ARID4B: variants seen among roughly 807,000 people sequenced by gnomAD.
ARID4B encodes the protein AT-rich interactive domain-containing protein 4B.
Under a neutral mutation model 147.5 loss-of-function variants are expected in ARID4B, and 26 were observed. That is an observed-to-expected ratio of 0.18 (90% confidence interval 0.13 to 0.24). ARID4B has a LOEUF of 0.24. Ranked by LOEUF, ARID4B falls within the 10% of genes least tolerant of loss-of-function variation. ARID4B has a pLI of 1.00. For synonymous variants in ARID4B, 512 were observed against 507.9 expected, an observed-to-expected ratio of 1.01 and a Z score of -0.11; for missense variants, 1,179 against 1,511.5, an observed-to-expected ratio of 0.78 and a Z score of 3.65.
chr1:235,190,680 A>C (rs1175632529), intron 19 of ARID4B, among the ~76,000 whole-genome samples: 1 of 152,236 alleles, frequency 6.6e-6, no homozygotes, highest in East Asian at 1.9e-4. Flanking sequence ...CAGATATTTA[A>C]ATGCAGCCAA....
chr1:235,313,757 G>C (rs1674244769), intron 2 of ARID4B, among the ~76,000 whole-genome samples: 2 of 152,146 alleles, frequency 1.3e-5, no homozygotes, highest in South Asian at 4.1e-4. Context: ...TTTACTAAGA[G>C]AAGCTTCTGC....
intron 2 of ARID4B, among the ~76,000 whole-genome samples, chr1:235,290,250 C>CT (rs1343365325): frequency 2.0e-5 from 3 of 152,056 alleles, no homozygotes; most frequent in Non-Finnish European, 2.9e-5. Flanking sequence ...TCAAGACCAA[C>CT]TTGGCCAACA....
intron 17 of ARID4B, among the ~76,000 whole-genome samples, chr1:235,201,923 C>T (rs1009726706): frequency 5.3e-5 from 8 of 151,590 alleles, no homozygotes; most frequent in African/African-American, 1.7e-4. Flanking sequence ...AATAAATTGT[C>T]TTGCAATTTT....
chr1:235,222,721 A>C (rs1464057969), intron 13 of ARID4B, among the ~76,000 whole-genome samples: 1 of 146,266 alleles, frequency 6.8e-6, no homozygotes, highest in East Asian at 2.0e-4. Flanking sequence ...TCTGTCACGC[A>C]GGCTGGAATG....
chr1:235,277,809 G>C (rs1671436314), intron 2 of ARID4B, among the ~76,000 whole-genome samples: 1 of 151,860 alleles, frequency 6.6e-6, no homozygotes, highest in Non-Finnish European at 1.5e-5. Flanking sequence ...ATTCACTTAG[G>C]ACCATAAGAA....
At chr1:235,169,462 C>T (rs1325994916) in intron 23 of ARID4B, among the ~76,000 whole-genome samples, 3 of 151,800 alleles carry the variant, frequency 2.0e-5, no homozygotes, top group Non-Finnish European at 4.4e-5. Flanking sequence ...AGGATGGTCT[C>T]GATCTCCTGA....
At chr1:235,291,683 A>AAAAAATACAAAAAATACT (rs1553312801) in intron 2 of ARID4B, among the ~76,000 whole-genome samples, 3 of 152,120 alleles carry the variant, frequency 2.0e-5, no homozygotes, top group African/African-American at 7.2e-5. Flanking sequence ...TAAAAAATAC[A>AAAAAATACAAAAAATACT]AAAAATACTA....
intron 2 of ARID4B, among the ~76,000 whole-genome samples, chr1:235,304,197 A>C (rs1673387330): frequency 6.6e-6 from 1 of 151,984 alleles, no homozygotes; most frequent in Non-Finnish European, 1.5e-5. Flanking sequence ...CTCTACAAAA[A>C]ACTTGCCAGG....
At chr1:235,317,121 T>A (rs573511222) in intron 2 of ARID4B, among the ~76,000 whole-genome samples, 13 of 152,302 alleles carry the variant, frequency 8.5e-5, no homozygotes, top group East Asian at 3.8e-4. Flanking sequence ...ATAATAAAAA[T>A]TTTTTTCTGA....
At chr1:235,200,074 T>G (rs1240848599) in intron 17 of ARID4B, among the ~76,000 whole-genome samples, 3 of 150,408 alleles carry the variant, frequency 2.0e-5, no homozygotes, top group African/African-American at 7.3e-5. Context: ...ATCCCAGAAC[T>G]ATGGGAGGCC....
chr1:235,311,318 C>T (rs1674033007), intron 2 of ARID4B, among the ~76,000 whole-genome samples: 1 of 150,664 alleles, frequency 6.6e-6, no homozygotes, highest in African/African-American at 2.4e-5. Context: ...GTACTGTGCA[C>T]TCCAGCCTGG....
chr1:235,225,244 T>G (rs75448666), intron 11 of ARID4B, among the ~76,000 whole-genome samples: 79 of 152,336 alleles, frequency 5.2e-4, no homozygotes, highest in African/African-American at 1.8e-3. Flanking sequence ...GCAAGTATCC[T>G]TCATTTTATG....
rs774919089 is a variant in ARID4B, at chr1:235,194,090, T to G, written c.2048A>C (p.Asp683Ala). The change falls in exon 19 of 24, where the codon GAT becomes GCT. Residue 683 changes from aspartate to alanine, a missense_variant. Physicochemically the swap from Asp to Ala is moderately radical, Grantham distance 126 (BLOSUM62 -2). Transcript: ENST00000264183. ...NPSPEMVSKL[D>A]LTDAKNSDTA... ...ATCAGAGTTTTTGGCATCAGTGAGA[T>G]CCAGTTTGGATACCATTTCAGGAGA... 5 of 1,613,298 alleles carry G rather than the reference T, an allele frequency of 3.1e-6. No homozygotes were observed. In the South Asian group the frequency reaches 5.5e-5, roughly 18 times the overall value.
rs1379302042 is a variant in ARID4B at position 235,169,341 on chromosome 1, C to T, written c.3812-689G>A. Among the ~76,000 whole-genome samples the T allele has an allele frequency of 3.3e-5, 5 of 151,282 alleles. No homozygotes were observed. In the South Asian group the frequency reaches 6.3e-4, roughly 19 times the overall value. On this transcript the variant is annotated intron_variant, in intron 23 of 23. Transcript: ENST00000264183. ...CTAAAAGTTCTGCCTCCTGAGTTCA[C>T]GCCATTCTCCTGCCTCAGCCCCCCC... is the stretch of plus-strand genomic sequence containing the variant.
At chr1:235,214,404 C>T (rs1366021015) in intron 16 of ARID4B, among the ~76,000 whole-genome samples, 3 of 152,050 alleles carry the variant, frequency 2.0e-5, no homozygotes, top group African/African-American at 4.8e-5. Context: ...TACTTCATTG[C>T]CATTTTACAA....
chr1:235,325,087 G>A (rs1675126577), intron 2 of ARID4B, among the ~76,000 whole-genome samples: 1 of 152,076 alleles, frequency 6.6e-6, no homozygotes, highest in African/African-American at 2.4e-5. Context: ...TAAGAAATAA[G>A]CTAAGTTTTT....
At position 235,216,902 on chromosome 1, in the gene ARID4B, C is replaced by T. The variant is rs183128840; in HGVS notation, c.1584-2876G>A. ...GCCACAATAAAAGAGATTTATCATG[C>T]ACCTCAGAATCATCATATAAAAATG... is the stretch of plus-strand genomic sequence containing the variant. On this transcript the variant is annotated intron_variant, in intron 16 of 23. Coordinates refer to ENST00000264183, the MANE Select transcript of ARID4B (RefSeq NM_016374.6). 1.3e-4 allele frequency among the ~76,000 whole-genome samples: 20 copies of T among 151,968 alleles called. No homozygotes were observed. In the East Asian group the frequency reaches 3.9e-3, roughly 29 times the overall value.
At chr1:235,268,392 AAAAT>A (rs1558262774) in intron 2 of ARID4B, among the ~76,000 whole-genome samples, 2 of 149,738 alleles carry the variant, frequency 1.3e-5, no homozygotes, top group Non-Finnish European at 3.0e-5. Context: ...CACACACAGA[AAAAT>A]AAACAAGTAC....
intron 17 of ARID4B, among the ~76,000 whole-genome samples, chr1:235,209,120 T>C (rs1027338292): frequency 1.3e-5 from 2 of 152,230 alleles, no homozygotes; most frequent in African/African-American, 4.8e-5. Flanking sequence ...ATGTTAACCT[T>C]TGTATAACAA....
Sources: allele counts gnomAD v4.1 joint callset (sites outside exome capture counted in the v4.1 genomes callset), GRCh38; gene constraint gnomAD v4.1.1; transcripts MANE v1.5; gene names NCBI Gene and HGNC (gene_info 2026-07-23, HGNC 2026-07-21).